ZFC3H1: variants seen among roughly 807,000 people sequenced by gnomAD.
ZFC3H1 encodes zinc finger C3H1-type containing.
Under a neutral mutation model 243.7 loss-of-function variants are expected in ZFC3H1, and 71 were observed. The observed-to-expected ratio is 0.29, with a 90% CI of 0.24 to 0.36. The LOEUF (loss-of-function observed/expected upper bound fraction) is 0.36. Among genes scored for constraint, ZFC3H1 ranks in the 10% least tolerant of loss-of-function variants. ZFC3H1 has a pLI of 1.00. For synonymous variants in ZFC3H1, 838 were observed against 813.0 expected (o/e 1.03, Z -0.52); for missense variants, 1,966 against 2,317.1 (o/e 0.85, Z 3.11).
chr12:71,615,393 T>C, intron 27 of ZFC3H1, 77 bp from the exon 28 acceptor site: 1 of 913,514 alleles, frequency 1.1e-6, no homozygotes, highest in Non-Finnish European at 1.7e-6. Context: ...TTTAAAATCG[T>C]TAGTTTCACT....
chr12:71,633,485 C>A (rs757536773), intron 12 of ZFC3H1, 47 bp from the exon 13 acceptor site: 1 of 1,434,702 alleles, frequency 7.0e-7, no homozygotes, highest in Admixed American at 2.9e-5. Flanking sequence ...CCTACAAGAG[C>A]AGACTGTCAG....
chr12:71,649,707 G>T (rs997747723), intron 2 of ZFC3H1, among the ~76,000 whole-genome samples: 15 of 152,110 alleles, frequency 9.9e-5, no homozygotes, highest in African/African-American at 3.6e-4. Flanking sequence ...AATAAACAGG[G>T]AAACATTAAA....
chr12:71,650,782 C>T (rs926144164), intron 2 of ZFC3H1, among the ~76,000 whole-genome samples: 1 of 152,062 alleles, frequency 6.6e-6, no homozygotes, highest in African/African-American at 2.4e-5. Flanking sequence ...CAGAGTGATG[C>T]CTTAAAAATA....
intron 30 of ZFC3H1, 21 bp downstream of exon 30, chr12:71,614,514 A>G (rs773995540): frequency 6.5e-7 from 1 of 1,538,050 alleles, no homozygotes; most frequent in Non-Finnish European, 8.7e-7. Flanking sequence ...ATATCTAAAG[A>G]AAAAAGTTTT....
At position 71,638,433 on chromosome 12, in the gene ZFC3H1, T is replaced by C; in HGVS notation, c.1710A>G (p.Pro570=). The change falls in exon 7 of 35, where the codon CCA becomes CCG. Residue 570 remains proline, a synonymous_variant. Transcript: ENST00000378743. ...TCTGACTTACAGAAACCTGAGGTGG[T>C]GGAGGCAAAGAAAGAGATGGTGCTG... ...FSPAPSLSLP[P]PPQVSSLPPL... 1 of 1,612,580 alleles carries C rather than the reference T, an allele frequency of 6.2e-7. No individual in the cohort carries two copies. The highest frequency in any genetic ancestry group is 2.2e-5 in the East Asian group (1 of 44,784).
chr12:71,631,044 A>T lies in ZFC3H1; in HGVS notation c.3471-90T>A. On this transcript the variant is annotated intron_variant, in intron 16 of 34. Transcript: ENST00000378743. ...CTTTAGTTTTTCTTTCTCAAGTTAA[A>T]ATTTCCATGCTTACTATTTATGAGC... is the stretch of plus-strand genomic sequence containing the variant. 5 of 1,324,366 alleles carry T rather than the reference A, an allele frequency of 3.8e-6. 1 individual carries two copies. In the South Asian group the frequency reaches 9.5e-5, roughly 25 times the overall value. 82.0% of individuals were successfully genotyped at this position (1,324,366 alleles called of 1,614,324 possible).
At position 71,636,907 on chromosome 12, in the gene ZFC3H1, C is replaced by T. The variant is rs1326948841; in HGVS notation, c.1878G>A (p.Met626Ile). 1 of 1,614,012 alleles carries T rather than the reference C, an allele frequency of 6.2e-7. No individual in the cohort carries two copies. Among genetic ancestry groups the T allele is most frequent in the Non-Finnish European group, 8.5e-7 (1 of 1,179,952 alleles). ...ATTTAAGTAGTTCTTCTCGAAGCAG[C>T]ATTTCTTCCTCCTCTTCCTCATCTG... ...PFADEEEEEEMLLREELLKSL... is the reference protein window; with the variant it reads ...PFADEEEEEEILLREELLKSL... Residue 626 changes from methionine to isoleucine, a missense_variant, in exon 8 of 35, where the codon ATG (methionine) becomes ATA (isoleucine). This residue lies in a region of ZFC3H1 where 1,383 missense variants were observed against 1,723.7 expected (regional missense o/e 0.80). Transcript: ENST00000378743.
intron 22 of ZFC3H1, among the ~76,000 whole-genome samples, 182 bp downstream of exon 22, chr12:71,626,078 A>T (rs565357462): frequency 2.6e-5 from 4 of 152,282 alleles, no homozygotes; most frequent in African/African-American, 9.6e-5. Context: ...CTTCTTGCTT[A>T]GTCTAAATTC....
Position 71,609,604 on chromosome 12 carries a change from A to G in ZFC3H1, c.*824T>C, listed in dbSNP as rs1157370399. 3 of 152,188 alleles carry G rather than the reference A, an allele frequency of 2.0e-5. No individual in the cohort carries two copies. The highest frequency in any genetic ancestry group is 7.2e-5 in the African/African-American group (3 of 41,444). 9.4% of individuals were successfully genotyped at this position (152,188 alleles called of 1,614,324 possible). A position where few individuals can be genotyped will look rare whatever the true frequency, so the allele number is the denominator to read the frequency against. On this transcript the variant is annotated 3_prime_UTR_variant, in exon 35 of 35. Transcript: ENST00000378743. ...GTGAATAAAGACAGCAAGAGTTTTT[A>G]GAAAGTTAACTTATATTAAAAAAGT...
chr12:71,636,715 T>C, intron 8 of ZFC3H1, 61 bp from the exon 9 acceptor site: 1 of 1,561,798 alleles, frequency 6.4e-7, no homozygotes, highest in South Asian at 1.2e-5. Flanking sequence ...CTGCCACCTT[T>C]AAAAATCTTG....
chr12:71,629,515 T>C, intron 19 of ZFC3H1, 94 bp downstream of exon 19: 1 of 813,786 alleles, frequency 1.2e-6, no homozygotes, highest in Non-Finnish European at 1.9e-6. Context: ...AAAATTTCTG[T>C]CATACAGAAA....
rs777655273 is a variant in ZFC3H1 at position 71,645,075 on chromosome 12, T to C, written c.1081A>G (p.Lys361Glu). The change falls in exon 4 of 35, where the codon AAA becomes GAA. Residue 361 changes from lysine to glutamate, a missense_variant and splice_region_variant. Lys to Glu is a moderately conservative substitution (Grantham distance 56). Coordinates refer to ENST00000378743, the MANE Select transcript of ZFC3H1 (RefSeq NM_144982.5). ...ISTSDILSEK[K>E]LGEDEEELSE... ...AGTTCCTCTTCATCTTCACCAAGTT[T>C]CTTTAAAGCAAAAAGAAAGAGCTAA... 6.3e-7 allele frequency: 1 copy of C among 1,588,084 alleles called. No individual in the cohort carries two copies. Among genetic ancestry groups the C allele is most frequent in the Admixed American group, 1.9e-5 (1 of 52,256 alleles).
At chr12:71,641,639 C>A (rs746597358) in intron 6 of ZFC3H1, among the ~76,000 whole-genome samples, 2 of 152,184 alleles carry the variant, frequency 1.3e-5, no homozygotes, top group Non-Finnish European at 2.9e-5. Context: ...AGGAGAGTTA[C>A]AGCCCTGACC....
At chr12:71,647,856 C>T in intron 2 of ZFC3H1, 43 bp from the exon 3 acceptor site, 1 of 775,404 alleles carries the variant, frequency 1.3e-6, no homozygotes, top group Non-Finnish European at 2.0e-6. Flanking sequence ...CAAAAGATAG[C>T]CACAATCTAA....
At chr12:71,615,170 C>A in intron 28 of ZFC3H1, 36 bp downstream of exon 28, 1 of 1,476,246 alleles carries the variant, frequency 6.8e-7, no homozygotes, top group Non-Finnish European at 9.4e-7. Flanking sequence ...AAATGCAGGC[C>A]TAGTATGCAA....
At position 71,611,858 on chromosome 12, in the gene ZFC3H1, T is replaced by C. The variant is rs373681007; in HGVS notation, c.5657A>G (p.Asn1886Ser). The C allele has an allele frequency of 4.5e-5, 72 of 1,606,542 alleles. No homozygotes were observed. The highest frequency in any genetic ancestry group is 5.2e-5 in the Non-Finnish European group (61 of 1,175,672). The part of the protein sequence containing the change: ...RLLQHEWEES[N>S]VQILKLQAKM... ...GGCTTGAAGTTTCAGAATCTGAACA[T>C]TGCTTTCTTCCCATTCATGTTGAAG... is the stretch of plus-strand genomic sequence containing the variant. The change falls in exon 32 of 35, where the codon AAT (asparagine) becomes AGT (serine). Residue 1886 changes from asparagine (N) to serine (S), a missense_variant. Coordinates refer to ENST00000378743, the MANE Select transcript of ZFC3H1 (RefSeq NM_144982.5).
chr12:71,645,490 G>C (rs1432407751), intron 3 of ZFC3H1, among the ~76,000 whole-genome samples: 2 of 152,234 alleles, frequency 1.3e-5, no homozygotes, highest in Non-Finnish European at 2.9e-5. Context: ...CCCTGATCAT[G>C]TGATTTGCTG....
intron 3 of ZFC3H1, among the ~76,000 whole-genome samples, chr12:71,645,735 T>C (rs573879293): frequency 1.3e-5 from 2 of 152,366 alleles, no homozygotes; most frequent in East Asian, 3.9e-4. Flanking sequence ...AGGACAATAA[T>C]GTTAAAAGCA....
At chr12:71,628,829 C>G (rs989485624) in intron 20 of ZFC3H1, 89 bp downstream of exon 20, 2 of 1,416,712 alleles carry the variant, frequency 1.4e-6, no homozygotes, top group Non-Finnish European at 1.9e-6. Context: ...ACCAGGCAGG[C>G]TGATACACCA....
Sources: gnomAD v4.1 joint callset for allele counts (sites outside exome capture counted in the v4.1 genomes callset) on GRCh38, gnomAD v4.1.1 for gene constraint, gnomAD v4.1.1 regional missense constraint, MANE v1.5 for transcripts, NCBI Gene and HGNC (gene_info 2026-07-23, HGNC 2026-07-21) for gene names.